CSMD1: variants seen among roughly 807,000 people sequenced by gnomAD.
CSMD1 encodes CUB and sushi domain-containing protein 1.
In CSMD1, 213 loss-of-function variants were observed where a neutral mutation model predicts 417.5. The observed-to-expected ratio is 0.51, with a 90% CI of 0.46 to 0.57. The LOEUF is 0.57. Among genes scored for constraint, CSMD1 ranks in the 20% least tolerant of loss-of-function variants. CSMD1 has a pLI of 0.00. For synonymous variants in CSMD1, 2,862 were observed against 1,736.8 expected (o/e 1.65, Z -16.11); for missense variants, 6,923 against 4,529.7 (o/e 1.53, Z -15.17).
At chr8:3,962,640 A>T (rs1812405762) in intron 5 of CSMD1, among the ~76,000 whole-genome samples, 1 of 152,174 alleles carries the variant, frequency 6.6e-6, no homozygotes, top group Non-Finnish European at 1.5e-5. Context: ...GAGAGCATGG[A>T]CATTCAATTG....
chr8:4,607,194 G>A (rs556764650), intron 2 of CSMD1, among the ~76,000 whole-genome samples: 6 of 152,068 alleles, frequency 3.9e-5, no homozygotes, highest in Non-Finnish European at 8.8e-5. Flanking sequence ...TGATAGTGTC[G>A]GCAGGAGTGG....
intron 26 of CSMD1, among the ~76,000 whole-genome samples, chr8:3,245,864 G>C (rs1799848929): frequency 6.6e-6 from 1 of 152,104 alleles, no homozygotes. Flanking sequence ...GATAATGAAA[G>C]AGATTTCTTT....
At chr8:4,387,831 A>G (rs778242644) in intron 3 of CSMD1, among the ~76,000 whole-genome samples, 3 of 152,102 alleles carry the variant, frequency 2.0e-5, no homozygotes, top group African/African-American at 7.2e-5. Context: ...GTTTCTTTTC[A>G]TAGCCACAAA....
At position 3,181,213 on chromosome 8, in the gene CSMD1, G is replaced by A; in HGVS notation, c.5622C>T (p.Gly1874=). Residue 1874 remains glycine (G), a splice_region_variant and synonymous_variant, in exon 37 of 70, where the codon GGC becomes GGT. Transcript: ENST00000635120. ...VTAPRLGSFS[G]TTVPALLNST... ...TGTTCAGCAGTGCCGGTACTGTGGT[G>A]CCTGTAAGAAACAATGCAGATAGAA... is the stretch of plus-strand genomic sequence containing the variant. 1 of 1,608,062 alleles carries A rather than the reference G, an allele frequency of 6.2e-7. No individual in the cohort carries two copies. The highest frequency in any genetic ancestry group is 1.3e-5 in the African/African-American group (1 of 74,896).
intron 3 of CSMD1, among the ~76,000 whole-genome samples, chr8:4,102,053 T>C (rs1801331639): frequency 2.0e-5 from 3 of 152,212 alleles, no homozygotes; most frequent in Admixed American, 2.0e-4. Flanking sequence ...GTCAGTCTTC[T>C]GAGATCAGCA....
At chr8:4,755,628 GC>G (rs1811619395) in intron 1 of CSMD1, among the ~76,000 whole-genome samples, 1 of 152,040 alleles carries the variant, frequency 6.6e-6, no homozygotes, top group Non-Finnish European at 1.5e-5. Context: ...ATCGTCTCCA[GC>G]CCCCAGAATC....
intron 3 of CSMD1, among the ~76,000 whole-genome samples, chr8:4,170,581 G>A (rs1186322803): frequency 6.6e-6 from 1 of 151,948 alleles, no homozygotes; most frequent in East Asian, 1.9e-4. Context: ...AACCTTAGCA[G>A]TACACTTTCA....
At chr8:4,350,132 C>T (rs1006992204) in intron 3 of CSMD1, among the ~76,000 whole-genome samples, 1 of 152,164 alleles carries the variant, frequency 6.6e-6, no homozygotes, top group African/African-American at 2.4e-5. Context: ...TCCCAAACTT[C>T]AGTCCAAATC....
chr8:4,452,888 C>G (rs1433823006), intron 2 of CSMD1, among the ~76,000 whole-genome samples: 1 of 152,134 alleles, frequency 6.6e-6, no homozygotes, highest in Non-Finnish European at 1.5e-5. Flanking sequence ...GAAACAAATT[C>G]AGTAGAGAAG....
chr8:4,281,669 T>A (rs965389379), intron 3 of CSMD1, among the ~76,000 whole-genome samples: 4 of 152,224 alleles, frequency 2.6e-5, no homozygotes, highest in Non-Finnish European at 5.9e-5. Context: ...TTCTATATAG[T>A]AACATCTGTA....
intron 50 of CSMD1, among the ~76,000 whole-genome samples, chr8:3,041,443 T>C (rs1447446256): frequency 6.6e-6 from 1 of 152,194 alleles, no homozygotes; most frequent in African/African-American, 2.4e-5. Context: ...ATACACACCT[T>C]GAAAACCTTT....
rs192539953 is a variant in CSMD1 at position 3,423,683 on chromosome 8, A to T, written c.1562-14078T>A. ...TCCAGTTTGGGGCTATTATGAAGAA[A>T]GTCTTACGAATGTTCCATCCCAGGT... On this transcript the variant is annotated intron_variant, in intron 12 of 69. Coordinates refer to ENST00000635120, the MANE Select transcript of CSMD1 (RefSeq NM_033225.6). Among the ~76,000 whole-genome samples, 6 of 152,314 alleles carry T rather than the reference A, an allele frequency of 3.9e-5. No individual in the cohort carries two copies. In the East Asian group the frequency reaches 1.2e-3, roughly 29 times the overall value.
rs73660327 is a variant in CSMD1, at chr8:3,595,680, A to G, written c.1098-9420T>C. ...TAGCTCTCAGAAGCACCGCATTGAC[A>G]ATGAGGTGTGAATTTTTGTGTGAGG... is the stretch of plus-strand genomic sequence containing the variant. On this transcript the variant is annotated intron_variant, in intron 8 of 69. Transcript: ENST00000635120. Among the ~76,000 whole-genome samples, 592 of 152,286 alleles carry G rather than the reference A, an allele frequency of 3.9e-3. 1 individual carries two copies. Among genetic ancestry groups the G allele is most frequent in the African/African-American group, 0.013 (560 of 41,560 alleles).
chr8:4,388,638 A>G (rs1295198077), intron 3 of CSMD1, among the ~76,000 whole-genome samples: 2 of 152,242 alleles, frequency 1.3e-5, no homozygotes, highest in East Asian at 3.9e-4. Context: ...AAATCTTGCA[A>G]ATCACCATTA....
intron 3 of CSMD1, among the ~76,000 whole-genome samples, chr8:4,375,367 G>A (rs945981458): frequency 5.3e-5 from 8 of 152,082 alleles, no homozygotes; most frequent in African/African-American, 1.7e-4. Flanking sequence ...CCACACAGGG[G>A]CACTTTTGAG....
chr8:4,571,906 G>C (rs1563297824), intron 2 of CSMD1, among the ~76,000 whole-genome samples: 2 of 152,076 alleles, frequency 1.3e-5, no homozygotes, highest in Non-Finnish European at 2.9e-5. Flanking sequence ...ATCTTTGTTG[G>C]TTTAAAGTCT....
chr8:3,412,156 G>GTATATATACATATATACATA (rs1812848879), intron 12 of CSMD1, among the ~76,000 whole-genome samples: 1 of 102,608 alleles, frequency 9.7e-6, no homozygotes, highest in Non-Finnish European at 1.9e-5. Context: ...ATATACACAC[G>GTATATATACATATATACATA]TATATATACA....
chr8:4,770,285 T>C (rs1796534337), intron 1 of CSMD1, among the ~76,000 whole-genome samples: 1 of 148,232 alleles, frequency 6.7e-6, no homozygotes, highest in African/African-American at 2.5e-5. Context: ...TATATATGTG[T>C]ATGGGAATAT....
intron 7 of CSMD1, among the ~76,000 whole-genome samples, chr8:3,622,303 C>T (rs942512458): frequency 6.6e-6 from 1 of 152,166 alleles, no homozygotes. Context: ...ATTAAAACAG[C>T]TTCATCAAGA....
Sources: allele counts gnomAD v4.1 joint callset (sites outside exome capture counted in the v4.1 genomes callset), GRCh38; gene constraint gnomAD v4.1.1; transcripts MANE v1.5; gene names NCBI Gene and HGNC (gene_info 2026-07-23, HGNC 2026-07-21).